The following TBCK variants were observed in gnomAD, a reference collection of about 807,000 sequenced individuals.
TBCK encodes the protein TBC1 domain containing kinase, also known as TBC domain-containing protein kinase-like protein.
In TBCK, 99 loss-of-function variants were observed where a neutral mutation model predicts 113.4. The ratio of observed to expected loss-of-function variants is 0.87; its 90% CI spans 0.74 to 1.03. TBCK has a LOEUF of 1.03. TBCK is among the 50% of genes least tolerant of loss of function. The pLI is 0.00. For missense variants in TBCK, 1,045 were observed against 1,061.3 expected (o/e 0.98, Z 0.21); for synonymous variants, 369 against 370.8 (o/e 1.00, Z 0.05).
At position 106,171,202 on chromosome 4, in the gene TBCK, A is replaced by G. The variant is rs780910465; in HGVS notation, c.2128T>C (p.Tyr710His). Residue 710 changes from tyrosine to histidine, a missense_variant, in exon 23 of 26, where the codon TAC (tyrosine) becomes CAC (histidine). Coordinates refer to ENST00000394708, the MANE Select transcript of TBCK (RefSeq NM_001163435.3). Reference protein sequence around the residue: ...LFCWTPKSATYRQHAQPPKPS... With the variant: ...LFCWTPKSATHRQHAQPPKPS... ...TTTGGAGGTTGAGCATGCTGTCTGT[A>G]AGTAGCACTTTTAGGAGTCCAACAA... 21 of 1,612,810 alleles carry G rather than the reference A, an allele frequency of 1.3e-5. No homozygotes were observed. Among genetic ancestry groups the G allele is most frequent in the Admixed American group, 1.7e-5 (1 of 59,816 alleles).
chr4:106,129,766 T>C (rs1255231551), intron 23 of TBCK, among the ~76,000 whole-genome samples: 1 of 152,232 alleles, frequency 6.6e-6, no homozygotes, highest in African/African-American at 2.4e-5. Flanking sequence ...CTGGTTATCT[T>C]CTGTTTGTCC....
chr4:106,161,429 T>C (rs1298604530), intron 23 of TBCK, among the ~76,000 whole-genome samples: 2 of 152,060 alleles, frequency 1.3e-5, no homozygotes, highest in South Asian at 2.1e-4. Context: ...CTGGAGAGGA[T>C]AATATACATC....
At chr4:106,212,477 GA>G (rs1391730183) in intron 20 of TBCK, among the ~76,000 whole-genome samples, 1 of 152,026 alleles carries the variant, frequency 6.6e-6, no homozygotes, top group African/African-American at 2.4e-5. Flanking sequence ...AAATCCAAGT[GA>G]AAAGCCTACA....
At chr4:106,075,413 C>G (rs1738062664) in intron 25 of TBCK, among the ~76,000 whole-genome samples, 1 of 152,170 alleles carries the variant, frequency 6.6e-6, no homozygotes, top group South Asian at 2.1e-4. Context: ...ATCATAGCAT[C>G]TGGTTTCTGA....
intron 4 of TBCK, among the ~76,000 whole-genome samples, chr4:106,260,783 G>T (rs978958457): frequency 5.3e-5 from 8 of 151,586 alleles, no homozygotes; most frequent in African/African-American, 1.9e-4. Context: ...TAATATTTTT[G>T]CTGTTACATT....
chr4:106,086,231 T>C (rs1739499894), intron 25 of TBCK, among the ~76,000 whole-genome samples: 1 of 151,656 alleles, frequency 6.6e-6, no homozygotes, highest in African/African-American at 2.4e-5. Context: ...ATAGACAGGA[T>C]AAAAATGATA....
chr4:106,130,531 C>T (rs1369860533), intron 23 of TBCK, among the ~76,000 whole-genome samples: 1 of 149,386 alleles, frequency 6.7e-6, no homozygotes, highest in East Asian at 2.0e-4. Flanking sequence ...TATATATTAT[C>T]AAGGGAAAAA....
intron 19 of TBCK, among the ~76,000 whole-genome samples, chr4:106,217,257 T>C (rs997997561): frequency 1.3e-4 from 20 of 152,068 alleles, no homozygotes; most frequent in Non-Finnish European, 2.6e-4. Flanking sequence ...CCACAGCCAA[T>C]ATCATACTGA....
At chr4:106,241,060 G>A (rs1180078270) in intron 12 of TBCK, among the ~76,000 whole-genome samples, 1 of 151,564 alleles carries the variant, frequency 6.6e-6, no homozygotes, top group Non-Finnish European at 1.5e-5. Context: ...TGATGTAGGT[G>A]GTAAGTTGTT....
chr4:106,196,236 T>TTTTCAAA (rs1408608265), intron 20 of TBCK, among the ~76,000 whole-genome samples: 7 of 151,792 alleles, frequency 4.6e-5, no homozygotes, highest in Admixed American at 4.6e-4. Flanking sequence ...GACATATACA[T>TTTTCAAA]TTTCAAATTT....
chr4:106,294,204 T>C (rs1766019796), intron 3 of TBCK, among the ~76,000 whole-genome samples: 1 of 152,146 alleles, frequency 6.6e-6, no homozygotes, highest in East Asian at 1.9e-4. Context: ...ATCTTTTTTT[T>C]TTTTGAGATG....
chr4:106,182,216 T>A (rs1255558653), intron 22 of TBCK: 1 of 152,168 alleles, frequency 6.6e-6, no homozygotes, highest in Non-Finnish European at 1.5e-5. Flanking sequence ...GCACATTGAT[T>A]TTGTATCCTG....
At chr4:106,138,825 T>C (rs1746860296) in intron 23 of TBCK, among the ~76,000 whole-genome samples, 1 of 141,316 alleles carries the variant, frequency 7.1e-6, no homozygotes, top group African/African-American at 2.5e-5. Context: ...CTTCTGAAGG[T>C]AGAACTTTTG....
intron 3 of TBCK, among the ~76,000 whole-genome samples, chr4:106,284,976 A>G (rs1395962650): frequency 6.6e-6 from 1 of 152,154 alleles, no homozygotes; most frequent in Non-Finnish European, 1.5e-5. Context: ...TAAATGCTGT[A>G]CTTTTTTCTT....
chr4:106,314,037 T>G (rs1304909126), intron 1 of TBCK, among the ~76,000 whole-genome samples: 2 of 152,256 alleles, frequency 1.3e-5, no homozygotes, highest in African/African-American at 2.4e-5. Flanking sequence ...CAGCTTGGAC[T>G]TGCTCTAAGT....
At chr4:106,288,373 G>A (rs898453084) in intron 3 of TBCK, among the ~76,000 whole-genome samples, 3 of 151,346 alleles carry the variant, frequency 2.0e-5, no homozygotes, top group Non-Finnish European at 4.4e-5. Context: ...CAGCCGGGGC[G>A]ACAAAGCGAG....
intron 25 of TBCK, among the ~76,000 whole-genome samples, chr4:106,071,922 C>T (rs912952344): frequency 6.7e-6 from 1 of 150,292 alleles, no homozygotes; most frequent in African/African-American, 2.4e-5. Flanking sequence ...ATTGCAACCC[C>T]TTCCTTTTTT....
In TBCK at chr4:106,261,901, AC is replaced by A. The variant is rs1253898962; in HGVS notation, c.381+196del. On this transcript the variant is annotated intron_variant, in intron 4 of 25. Transcript: ENST00000394708. ...GAAAAATAATCCATGTGAAAGATAT[AC>A]AGATTAAATAATTTAAGGATTATTT... 2.0e-5 allele frequency among the ~76,000 whole-genome samples: 3 copies of A among 152,002 alleles called. No individual in the cohort carries two copies. In the East Asian group the frequency reaches 5.8e-4, roughly 29 times the overall value.
At chr4:106,205,670 G>A (rs1331566398) in intron 20 of TBCK, among the ~76,000 whole-genome samples, 1 of 151,054 alleles carries the variant, frequency 6.6e-6, no homozygotes, top group East Asian at 1.9e-4. Context: ...GGAGGCTGAG[G>A]CAGGAGAATC....
Sources: allele counts gnomAD v4.1 joint callset (sites outside exome capture counted in the v4.1 genomes callset), GRCh38; gene constraint gnomAD v4.1.1; transcripts MANE v1.5; gene names NCBI Gene and HGNC (gene_info 2026-07-23, HGNC 2026-07-21).